The following NOM1 variants were observed in gnomAD, a reference collection of about 807,000 sequenced individuals.
The protein encoded by NOM1 is nucleolar protein with MIF4G domain 1.
A neutral mutation model predicts 73.3 loss-of-function variants in NOM1; 58 were observed. The observed-to-expected ratio is 0.79, with a 90% confidence interval of 0.64 to 0.99. The LOEUF (loss-of-function observed/expected upper bound fraction) is 0.99, where lower values mean the gene tolerates loss of function less well. Among genes scored for constraint, NOM1 ranks in the 50% least tolerant of loss-of-function variants. The pLI is 0.00. For synonymous variants in NOM1, 487 were observed against 446.8 expected (o/e 1.09, Z -1.14); for missense variants, 1,226 against 1,131.9 (o/e 1.08, Z -1.19).
At chr7:156,964,611 C>T (rs576426097) in intron 7 of NOM1, among the ~76,000 whole-genome samples, 72 of 152,198 alleles carry the variant, frequency 4.7e-4, no homozygotes, top group Non-Finnish European at 9.4e-4. Flanking sequence ...TTAAATGTAC[C>T]TGTGTAGTTT....
intron 4 of NOM1, 84 bp from the exon 5 acceptor site, chr7:156,962,067 G>T (rs1035509763): frequency 9.5e-7 from 1 of 1,057,342 alleles, no homozygotes; most frequent in African/African-American, 1.6e-5. Flanking sequence ...TGTGCATCAG[G>T]TGTGGTAGAT....
At chr7:156,968,998 A>G in intron 9 of NOM1, 89 bp from the exon 10 acceptor site, 1 of 750,534 alleles carries the variant, frequency 1.3e-6, no homozygotes, top group Non-Finnish European at 2.3e-6. Flanking sequence ...GGGGAGATTA[A>G]TTTTTACTCT....
In NOM1 at chr7:156,963,071, G is replaced by A. The variant is rs753784681; in HGVS notation, c.1807G>A (p.Ala603Thr). The change falls in exon 6 of 11, where the codon GCG becomes ACG. Residue 603 changes from alanine (A) to threonine (T), a missense_variant. Transcript: ENST00000275820. ...CGTCTCCTGGGACAGTGTCTTGAGT[G>A]CGGAGCAGACGGGTCGCTGGTGGAT... Reference protein sequence around the residue: ...LRVSWDSVLSAEQTGRWWIVG... With the variant: ...LRVSWDSVLSTEQTGRWWIVG... The A allele has an allele frequency of 6.2e-7, 1 of 1,614,228 alleles. No homozygotes were observed.
rs1417518381 is a variant in NOM1, at chr7:156,972,360, G to A, written c.*2657G>A. The A allele has an allele frequency of 6.6e-6, 1 of 152,166 alleles. No homozygotes were observed. The highest frequency in any genetic ancestry group is 1.5e-5 in the Non-Finnish European group (1 of 68,036). The allele number at this position is 152,166 out of a possible 1,614,324, so 9.4% of individuals were successfully genotyped here. On this transcript the variant is annotated 3_prime_UTR_variant, in exon 11 of 11. Transcript: ENST00000275820. The stretch of plus-strand genomic sequence containing the variant: ...CCATATGCAGTAACCCATGTTTGAG[G>A]TACAGAATTGAAGCTGATTTTTCTG...
In NOM1 at chr7:156,962,759, T is replaced by C. The variant is rs139195408; in HGVS notation, c.1744-249T>C. On this transcript the variant is annotated intron_variant, in intron 5 of 10. Transcript: ENST00000275820. ...GCCACTGAGCCTGAGGCAGCTCTGT[T>C]ACTCTCTCCTGTTGGGACAGCTTTC... Among the ~76,000 whole-genome samples, 868 of 152,310 alleles carry C rather than the reference T, an allele frequency of 5.7e-3. 10 individuals are homozygous for C. The highest frequency in any genetic ancestry group is 0.019 in the African/African-American group (806 of 41,566).
Position 156,950,190 on chromosome 7 carries a change from C to T in NOM1, c.453C>T (p.Ala151=), listed in dbSNP as rs1804546582. 6.2e-7 allele frequency: 1 copy of T among 1,608,124 alleles called. No individual in the cohort carries two copies. Among genetic ancestry groups the T allele is most frequent in the Admixed American group, 1.7e-5 (1 of 59,616 alleles). The change falls in exon 1 of 11, where the codon GCC becomes GCT. Residue 151 remains alanine, a synonymous_variant. Transcript: ENST00000275820. ...AGCCGCGGCCGTCCCGGGTCAAGGCCAAGGCCACGGCCGCCACCGCAAAGA... is the reference window on the plus strand; with the variant it reads ...AGCCGCGGCCGTCCCGGGTCAAGGCTAAGGCCACGGCCGCCACCGCAAAGA... ...PRKPRPSRVK[A]KATAATAKTR...
chr7:156,965,976 G>A (rs10230277), intron 7 of NOM1, among the ~76,000 whole-genome samples: 4,956 of 152,264 alleles, frequency 0.033, 270 homozygotes, highest in African/African-American at 0.11. Flanking sequence ...GGGCACACAC[G>A]ATTGAGTCAG....
At chr7:156,966,083 A>C (rs1804988635) in intron 7 of NOM1, 187 bp from the exon 8 acceptor site, 2 of 659,972 alleles carry the variant, frequency 3.0e-6, no homozygotes, top group Non-Finnish European at 5.2e-6. Flanking sequence ...TTGTAGGAGA[A>C]CCTGAGGACC....
chr7:156,961,110 A>G (rs1203705577), intron 4 of NOM1, among the ~76,000 whole-genome samples: 1 of 152,068 alleles, frequency 6.6e-6, no homozygotes, highest in Admixed American at 6.5e-5. Flanking sequence ...AGCCATGGAA[A>G]TGGGTGGACT....
At chr7:156,967,893 A>G (rs934422175) in intron 9 of NOM1, among the ~76,000 whole-genome samples, 1 of 148,030 alleles carries the variant, frequency 6.8e-6, no homozygotes, top group Admixed American at 6.8e-5. Context: ...GGTGGGACCA[A>G]CAGACTCTGA....
rs758915806 is a variant in NOM1 at position 156,959,934 on chromosome 7, C to G, written c.1392C>G (p.Asn464Lys). The change falls in exon 4 of 11, where the codon AAC becomes AAG. Residue 464 changes from asparagine (N) to lysine (K), a missense_variant. Transcript: ENST00000275820. The part of the protein sequence containing the change: ...KYGSEGKECD[N>K]LFTVIAHLYN... ...GAAGCGAAGGGAAAGAGTGTGACAA[C>G]CTGTTCACCGTCATTGCCCATTTAT... 9.9e-6 allele frequency: 16 copies of G among 1,613,148 alleles called. No homozygotes were observed. In the East Asian group the frequency reaches 3.6e-4, roughly 36 times the overall value.
chr7:156,949,781 C>G lies in NOM1; in HGVS notation c.44C>G (p.Ser15Cys). 4 of 1,401,014 alleles carry G rather than the reference C, an allele frequency of 2.9e-6. No homozygotes were observed. Among genetic ancestry groups the G allele is most frequent in the Non-Finnish European group, 3.7e-6 (4 of 1,082,342 alleles). 86.8% of individuals were successfully genotyped at this position (1,401,014 alleles called of 1,614,324 possible). The change falls in exon 1 of 11, where the codon TCC becomes TGC. Residue 15 changes from serine (S) to cysteine (C), a missense_variant. Ser to Cys is a moderately radical substitution (Grantham distance 112). Transcript: ENST00000275820. ...GCGGGAGAGGCCGGCCCGGGCGGCT[C>G]CCAGGGACGCGTGGTCCGCATGAAG... ...RSAGEAGPGG[S>C]QGRVVRMKRR... is the part of the protein sequence containing the mutation.
chr7:156,971,863 T>C lies in NOM1; in HGVS notation c.*2160T>C, dbSNP rs1290988213. ...CAACATCATTCGACCCGAAGCCAGA[T>C]TCAAACCCTATGTCTTCTAGCAGGT... On this transcript the variant is annotated 3_prime_UTR_variant, in exon 11 of 11. Coordinates refer to ENST00000275820, the MANE Select transcript of NOM1 (RefSeq NM_138400.2). 6.6e-6 allele frequency: 1 copy of C among 152,268 alleles called. No homozygotes were observed. Among genetic ancestry groups the C allele is most frequent in the Non-Finnish European group, 1.5e-5 (1 of 68,052 alleles). The allele number at this position is 152,268 out of a possible 1,614,324, so 9.4% of individuals were successfully genotyped here.
chr7:156,962,312 A>G (rs370431277), intron 5 of NOM1, 51 bp downstream of exon 5: 111 of 1,399,838 alleles, frequency 7.9e-5, no homozygotes, highest in Middle Eastern at 5.3e-4. Context: ...CCGTGTCGGC[A>G]TGAGCCTGTC....
Position 156,954,221 on chromosome 7 carries a change from GCCT to G in NOM1, c.1233_1235del (p.Ser412del). 1 of 1,613,656 alleles carries G rather than the reference GCCT, an allele frequency of 6.2e-7. No individual in the cohort carries two copies. Among genetic ancestry groups the G allele is most frequent in the East Asian group, 2.2e-5 (1 of 44,856 alleles). ...CGCTCTCATGGGTGCCTGCGTCACT[GCCT>G]CGGCCATGCCCAGCAGACTGATGAT... is the stretch of plus-strand genomic sequence containing the variant. On this transcript the variant is annotated inframe_deletion, in exon 3 of 11. Coordinates refer to ENST00000275820, the MANE Select transcript of NOM1 (RefSeq NM_138400.2).
chr7:156,967,510 A>G (rs548148855), intron 9 of NOM1, among the ~76,000 whole-genome samples: 1 of 152,022 alleles, frequency 6.6e-6, no homozygotes, highest in South Asian at 2.1e-4. Flanking sequence ...GGGACTTTGC[A>G]GTGGACCATG....
At position 156,969,897 on chromosome 7, in the gene NOM1, G is replaced by A. The variant is rs1805100892; in HGVS notation, c.*194G>A. On this transcript the variant is annotated 3_prime_UTR_variant, in exon 11 of 11. Coordinates refer to ENST00000275820, the MANE Select transcript of NOM1 (RefSeq NM_138400.2). ...CAAGCCATTTTCAAATAACTATCTT[G>A]GGGGTGAGAGGAGAAGGAGGGAGGG... 1 of 477,594 alleles carries A rather than the reference G, an allele frequency of 2.1e-6. No individual in the cohort carries two copies. The highest frequency in any genetic ancestry group is 2.0e-5 in the African/African-American group (1 of 49,902). 29.6% of individuals were successfully genotyped at this position (477,594 alleles called of 1,614,324 possible).
rs749959826 is a variant in NOM1 at position 156,960,178 on chromosome 7, C to T, written c.1632+4C>T. 14 of 1,603,054 alleles carry T rather than the reference C, an allele frequency of 8.7e-6. No individual in the cohort carries two copies. In the East Asian group the frequency reaches 1.1e-4, roughly 13 times the overall value. The stretch of plus-strand genomic sequence containing the variant: ...CGAGTTTCAGGACCAGACCAGGGTA[C>T]GCGTGCGACGCTTGATCTGCTTCCT... On this transcript the variant is annotated splice_donor_region_variant and intron_variant, in intron 4 of 10. Transcript: ENST00000275820.
Position 156,950,006 on chromosome 7 carries a change from G to A in NOM1, c.269G>A (p.Arg90Gln). ...KSRKELRKEK[R>Q]HLRKARRLQR... is the part of the protein sequence containing the mutation. ...CGTAAGGAACTGAGGAAGGAGAAGCGGCACCTGCGGAAAGCACGCCGGCTG... is the reference window on the plus strand; with the variant it reads ...CGTAAGGAACTGAGGAAGGAGAAGCAGCACCTGCGGAAAGCACGCCGGCTG... The change falls in exon 1 of 11, where the codon CGG becomes CAG. Residue 90 changes from arginine to glutamine, a missense_variant. Coordinates refer to ENST00000275820, the MANE Select transcript of NOM1 (RefSeq NM_138400.2). The A allele has an allele frequency of 2.6e-6, 4 of 1,540,872 alleles. No individual in the cohort carries two copies. Among genetic ancestry groups the A allele is most frequent in the Non-Finnish European group, 3.5e-6 (4 of 1,146,814 alleles).
Sources: gnomAD v4.1 joint callset for allele counts (sites outside exome capture counted in the v4.1 genomes callset) on GRCh38, gnomAD v4.1.1 for gene constraint, MANE v1.5 for transcripts, NCBI Gene and HGNC (gene_info 2026-07-23, HGNC 2026-07-21) for gene names.